ERCC6L2: variants seen among roughly 807,000 people sequenced by gnomAD.
ERCC6L2 encodes ERCC excision repair 6 like 2.
A neutral mutation model predicts 132.0 loss-of-function variants in ERCC6L2; 77 were observed. That is an observed-to-expected ratio of 0.58 (90% confidence interval 0.49 to 0.71). ERCC6L2 has a LOEUF of 0.71. Ranked by LOEUF, ERCC6L2 falls within the 30% of genes least tolerant of loss-of-function variation. The pLI, the probability that ERCC6L2 is intolerant of heterozygous loss-of-function variation, is 0.00. For synonymous variants in ERCC6L2, 583 were observed against 632.4 expected (o/e 0.92, Z 1.17); for missense variants, 1,542 against 1,837.6 (o/e 0.84, Z 2.94).
At chr9:95,984,693 T>C (rs1184581932) in intron 17 of ERCC6L2, among the ~76,000 whole-genome samples, 2 of 152,234 alleles carry the variant, frequency 1.3e-5, no homozygotes, top group Non-Finnish European at 2.9e-5. Context: ...TATGTCTGAT[T>C]CATCTTTGAT....
chr9:95,884,018 G>T (rs1389357028), intron 2 of ERCC6L2, among the ~76,000 whole-genome samples: 3 of 152,160 alleles, frequency 2.0e-5, no homozygotes, highest in Non-Finnish European at 4.4e-5. Context: ...ATGTTACAAA[G>T]AAATTTACTT....
chr9:96,023,902 A>G (rs1834328356), intron 19 of ERCC6L2, among the ~76,000 whole-genome samples: 1 of 152,212 alleles, frequency 6.6e-6, no homozygotes, highest in African/African-American at 2.4e-5. Context: ...CAGAAAGCTG[A>G]GATATCCCTC....
rs1834221064 is a variant in ERCC6L2, at chr9:96,018,165, G to T, written c.*4962G>T. On this transcript the variant is annotated 3_prime_UTR_variant, in exon 19 of 19. Transcript: ENST00000653738. ...AAGTGGCCTGAAGATGGATGGTCGT[G>T]ATGGTTGCACAGCAATGTGAATTTA... Among the ~76,000 whole-genome samples, 1 of 152,126 alleles carries T rather than the reference G, an allele frequency of 6.6e-6. No individual in the cohort carries two copies. Among genetic ancestry groups the T allele is most frequent in the South Asian group, 2.1e-4 (1 of 4,818 alleles).
chr9:95,882,917 A>G (rs1827670402), intron 2 of ERCC6L2, among the ~76,000 whole-genome samples: 1 of 152,204 alleles, frequency 6.6e-6, no homozygotes, highest in Admixed American at 6.5e-5. Context: ...TGGAGGATAG[A>G]CAGCAAGAAT....
intron 11 of ERCC6L2, 21 bp downstream of exon 11, chr9:95,928,885 A>T: frequency 6.8e-7 from 1 of 1,477,266 alleles, no homozygotes; most frequent in Non-Finnish European, 9.1e-7. Context: ...TAAATTTAAT[A>T]ACTAGATTTT....
intron 1 of ERCC6L2, among the ~76,000 whole-genome samples, chr9:95,878,694 C>G (rs946049046): frequency 7.9e-6 from 1 of 125,822 alleles, no homozygotes; most frequent in Non-Finnish European, 1.6e-5. Context: ...GTGTGATGTT[C>G]CCCTTCCTGT....
chr9:95,984,053 T>G (rs764657776), intron 17 of ERCC6L2, among the ~76,000 whole-genome samples: 1 of 150,732 alleles, frequency 6.6e-6, no homozygotes, highest in Non-Finnish European at 1.5e-5. Flanking sequence ...AAACCTCACA[T>G]GGGTTGAATG....
chr9:95,960,644 G>A (rs867391550), intron 13 of ERCC6L2, among the ~76,000 whole-genome samples: 1 of 152,092 alleles, frequency 6.6e-6, no homozygotes, highest in Admixed American at 6.6e-5. Flanking sequence ...GCCTCCAGAA[G>A]GAGTGTGGTC....
rs778790113 is a variant in ERCC6L2, at chr9:95,972,153, C to G, written c.2402C>G (p.Thr801Arg). Residue 801 changes from threonine to arginine, a missense_variant, in exon 16 of 19, where the codon ACA (threonine) becomes AGA (arginine). By Grantham distance (71) the Thr-to-Arg change is moderately conservative (BLOSUM62 -1). This residue lies in a region of ERCC6L2 where 945 missense variants were observed against 1,105.2 expected (regional missense o/e 0.86). Transcript: ENST00000653738. ...TGTGGTTTCTCGAAATTGCTTGAAA[C>G]AAAATGTAAAGCAGTTGAGGATAGT... ...LQCGFSKLLE[T>R]KCKAVEDSDG... 7.7e-6 allele frequency: 10 copies of G among 1,304,062 alleles called. No homozygotes were observed. In the South Asian group the frequency reaches 1.2e-4, roughly 16 times the overall value. The allele number at this position is 1,304,062 out of a possible 1,614,324, so 80.8% of individuals were successfully genotyped here.
chr9:95,942,839 AT>A (rs1270579835), intron 12 of ERCC6L2, among the ~76,000 whole-genome samples: 1 of 152,172 alleles, frequency 6.6e-6, no homozygotes, highest in Non-Finnish European at 1.5e-5. Context: ...TGTTAGTAAT[AT>A]TTCTAAGTTT....
Position 96,012,231 on chromosome 9 carries a change from A to G in ERCC6L2, c.3681A>G (p.Gln1227=). The G allele has an allele frequency of 1.6e-6, 2 of 1,252,658 alleles. No individual in the cohort carries two copies. The highest frequency in any genetic ancestry group is 2.1e-6 in the Non-Finnish European group (2 of 962,606). 77.6% of individuals were successfully genotyped at this position (1,252,658 alleles called of 1,614,324 possible). Residue 1227 remains glutamine, a synonymous_variant, in exon 19 of 19, where the codon CAA becomes CAG. Coordinates refer to ENST00000653738, the MANE Select transcript of ERCC6L2 (RefSeq NM_020207.7). The part of the protein sequence containing the change: ...GETPKGIRRK[Q]FEEMASYFNS... ...TTGTTCATTTAATCTTTAGAAAACA[A>G]TTTGAAGAAATGGCCTCTTATTTTA...
rs749775204 is a variant in ERCC6L2 at position 95,907,243 on chromosome 9, C to G, written c.760C>G (p.Leu254Val). 6.2e-7 allele frequency: 1 copy of G among 1,612,026 alleles called. No homozygotes were observed. Among genetic ancestry groups the G allele is most frequent in the Admixed American group, 1.7e-5 (1 of 59,772 alleles). ...AATTGCTCTAACAACTTATGAAACACTACGCTTATGCCTGGATGAACTTAA... is the reference window on the plus strand; with the variant it reads ...AATTGCTCTAACAACTTATGAAACAGTACGCTTATGCCTGGATGAACTTAA... ...CEIALTTYET[L>V]RLCLDELNSL... Residue 254 changes from leucine (L) to valine (V), a missense_variant, in exon 4 of 19, where the codon CTA becomes GTA. Physicochemically the swap from Leu to Val is conservative, Grantham distance 32. Coordinates refer to ENST00000653738, the MANE Select transcript of ERCC6L2 (RefSeq NM_020207.7).
At chr9:95,999,278 G>A (rs545409172) in intron 17 of ERCC6L2, among the ~76,000 whole-genome samples, 3 of 152,084 alleles carry the variant, frequency 2.0e-5, no homozygotes, top group South Asian at 2.1e-4. Flanking sequence ...GGAGAATGGC[G>A]TGAACCCAGG....
At chr9:95,893,052 A>G (rs1828253576) in intron 2 of ERCC6L2, among the ~76,000 whole-genome samples, 1 of 152,114 alleles carries the variant, frequency 6.6e-6, no homozygotes, top group Admixed American at 6.6e-5. Flanking sequence ...TTTTATCTAT[A>G]CTTCTTTGCT....
rs146686577 is a variant in ERCC6L2, at chr9:96,012,905, A to G, written c.4355A>G (p.His1452Arg). 1.7e-5 allele frequency: 23 copies of G among 1,367,490 alleles called. No individual in the cohort carries two copies. Among genetic ancestry groups the G allele is most frequent in the Non-Finnish European group, 2.1e-5 (21 of 1,021,808 alleles). The allele number at this position is 1,367,490 out of a possible 1,614,324, so 84.7% of individuals were successfully genotyped here. A position where few individuals can be genotyped will look rare whatever the true frequency, so the allele number is the denominator to read the frequency against. ...ATTCTTGATGACCTTTTTAAAAGTC[A>G]TGGGAACAGTCCCACACAACTGCCA... The part of the protein sequence containing the change: ...TSILDDLFKS[H>R]GNSPTQLPKK... The change falls in exon 19 of 19, where the codon CAT (histidine) becomes CGT (arginine). Residue 1452 changes from histidine to arginine, a missense_variant. Around this residue, in one of 4 missense-constraint regions of ERCC6L2, gnomAD observed 442 missense variants for 583.4 expected, o/e 0.76. Transcript: ENST00000653738.
intron 1 of ERCC6L2, among the ~76,000 whole-genome samples, chr9:95,880,257 G>A (rs1355048992): frequency 6.6e-6 from 1 of 152,116 alleles, no homozygotes; most frequent in Non-Finnish European, 1.5e-5. Context: ...TAAAGTAAAG[G>A]CTTAGAGGCA....
intron 2 of ERCC6L2, among the ~76,000 whole-genome samples, chr9:95,889,462 A>AAT (rs1483135222): frequency 1.3e-5 from 2 of 151,612 alleles, no homozygotes; most frequent in African/African-American, 4.9e-5. Flanking sequence ...TATATCTGTC[A>AAT]ATATATGTGT....
At chr9:95,924,918 G>A (rs1490698437) in intron 9 of ERCC6L2, among the ~76,000 whole-genome samples, 1 of 152,060 alleles carries the variant, frequency 6.6e-6, no homozygotes, top group Admixed American at 6.6e-5. Flanking sequence ...ATAAGCTAGG[G>A]ATATATTTTT....
At chr9:96,024,343 T>A (rs748509097) in intron 19 of ERCC6L2, among the ~76,000 whole-genome samples, 1 of 152,178 alleles carries the variant, frequency 6.6e-6, no homozygotes, top group Non-Finnish European at 1.5e-5. Flanking sequence ...GTAGGGGACA[T>A]AGATTCTTTA....
Sources: allele counts gnomAD v4.1 joint callset (sites outside exome capture counted in the v4.1 genomes callset), GRCh38; gene constraint gnomAD v4.1.1; regional missense constraint gnomAD v4.1.1; transcripts MANE v1.5; gene names NCBI Gene and HGNC (gene_info 2026-07-23, HGNC 2026-07-21).